HEY2: variants seen among roughly 807,000 people sequenced by gnomAD.
HEY2 encodes hes related family bHLH transcription factor with YRPW motif 2.
In HEY2, 10 loss-of-function variants were observed where a neutral mutation model predicts 18.1. That is an observed-to-expected ratio of 0.55 (90% CI 0.34 to 0.94). The LOEUF (loss-of-function observed/expected upper bound fraction) is 0.94, where lower values mean the gene tolerates loss of function less well. Ranked by LOEUF, HEY2 falls within the 40% of genes least tolerant of loss-of-function variation. HEY2 has a pLI of 0.02. For synonymous variants in HEY2, 210 were observed against 182.7 expected (o/e 1.15, Z -1.21); for missense variants, 455 against 455.9 (o/e 1.00, Z 0.02).
chr6:125,754,671 C>T, intron 4 of HEY2, 125 bp downstream of exon 4: 2 of 469,204 alleles, frequency 4.3e-6, no homozygotes, highest in East Asian at 3.3e-5. Flanking sequence ...GATAGGAGGC[C>T]CCAGATTAAA....
chr6:125,751,913 A>G (rs767207956), intron 2 of HEY2, 34 bp downstream of exon 2: 1 of 1,585,868 alleles, frequency 6.3e-7, no homozygotes, highest in Admixed American at 1.7e-5. Context: ...ATTTCATGTA[A>G]CTTATACTAT....
Position 125,759,534 on chromosome 6 carries a change from G to T in HEY2, c.746G>T (p.Cys249Phe). The T allele has an allele frequency of 6.2e-7, 1 of 1,611,046 alleles. No homozygotes were observed. ...CCATCCACGGGCAGCGTCGCCCCCT[G>T]CGTGCCACCTCTCTCCACCTCTCTC... ...RMPSTGSVAP[C>F]VPPLSTSLLS... The change falls in exon 5 of 5, where the codon TGC (cysteine) becomes TTC (phenylalanine). Residue 249 changes from cysteine to phenylalanine, a missense_variant. Transcript: ENST00000368364.
chr6:125,752,868 T>C (rs1394456270), intron 3 of HEY2, among the ~76,000 whole-genome samples: 1 of 152,248 alleles, frequency 6.6e-6, no homozygotes. Context: ...GAAAATACTT[T>C]CAGTTTAATT....
At chr6:125,752,818 T>C (rs964697916) in intron 3 of HEY2, among the ~76,000 whole-genome samples, 1 of 152,244 alleles carries the variant, frequency 6.6e-6, no homozygotes, top group Admixed American at 6.5e-5. Context: ...CACAGATTTC[T>C]AAGAGTATCT....
chr6:125,751,966 T>C lies in HEY2; in HGVS notation c.163-41T>C, dbSNP rs745502281. 56 of 1,592,798 alleles carry C rather than the reference T, an allele frequency of 3.5e-5. No homozygotes were observed. In the South Asian group the frequency reaches 5.5e-4, roughly 16 times the overall value. ...TTTTCATTTGAGTAATTTTATCATT[T>C]GTGAATTCATAAACTTTTGTTGTTT... On this transcript the variant is annotated intron_variant, in intron 2 of 4. Coordinates refer to ENST00000368364, the MANE Select transcript of HEY2 (RefSeq NM_012259.3).
At chr6:125,758,108 C>T (rs887088602) in intron 4 of HEY2, among the ~76,000 whole-genome samples, 1 of 152,096 alleles carries the variant, frequency 6.6e-6, no homozygotes, top group African/African-American at 2.4e-5. Context: ...CCAGACGTCA[C>T]TCATTCAAAG....
chr6:125,750,195 G>T, intron 1 of HEY2: 1 of 963,626 alleles, frequency 1.0e-6, no homozygotes, highest in Non-Finnish European at 1.2e-6. Flanking sequence ...CACTGAAACC[G>T]TATTTGGGGG....
At chr6:125,755,432 T>C (rs1377306000) in intron 4 of HEY2, among the ~76,000 whole-genome samples, 1 of 152,182 alleles carries the variant, frequency 6.6e-6, no homozygotes, top group Non-Finnish European at 1.5e-5. Flanking sequence ...AACAACTGAA[T>C]AAGGAGAAGG....
intron 4 of HEY2, among the ~76,000 whole-genome samples, chr6:125,756,699 G>C (rs1415487428): frequency 6.6e-6 from 1 of 152,224 alleles, no homozygotes; most frequent in Non-Finnish European, 1.5e-5. Flanking sequence ...TTCAAATCCT[G>C]GTTCTGCCAC....
intron 4 of HEY2, among the ~76,000 whole-genome samples, chr6:125,755,984 GA>G (rs1235107420): frequency 6.6e-6 from 1 of 152,188 alleles, no homozygotes. Flanking sequence ...CATGCTACAA[GA>G]AAATTTGTTT....
rs998526551 is a variant in HEY2 at position 125,760,689 on chromosome 6, A to C, written c.*887A>C. 2 of 152,252 alleles carry C rather than the reference A, an allele frequency of 1.3e-5. No individual in the cohort carries two copies. The highest frequency in any genetic ancestry group is 6.5e-5 in the Admixed American group (1 of 15,290). The allele number at this position is 152,252 out of a possible 1,614,324, so 9.4% of individuals were successfully genotyped here. On this transcript the variant is annotated 3_prime_UTR_variant, in exon 5 of 5. Coordinates refer to ENST00000368364, the MANE Select transcript of HEY2 (RefSeq NM_012259.3). ...ACTTGAAAACTCTCCAGTTTGTAGG[A>C]GTTTGGTTTAATTTATTCAGTTTCA...
intron 4 of HEY2, 37 bp downstream of exon 4, chr6:125,754,583 T>C (rs1773617607): frequency 2.6e-6 from 3 of 1,136,834 alleles, no homozygotes; most frequent in Non-Finnish European, 2.6e-6. Context: ...TTTTTTGCCT[T>C]TTTTACCTTT....
intron 1 of HEY2, 32 bp from the exon 2 acceptor site, chr6:125,751,769 G>A: frequency 7.0e-7 from 1 of 1,427,606 alleles, no homozygotes; most frequent in Non-Finnish European, 9.8e-7. Context: ...TTATGTTAAT[G>A]CAGCACCTGA....
chr6:125,755,335 G>C (rs1773633486), intron 4 of HEY2, among the ~76,000 whole-genome samples: 1 of 152,154 alleles, frequency 6.6e-6, no homozygotes. Flanking sequence ...TCACAACTCA[G>C]ACTTGATTTT....
In HEY2 at chr6:125,749,682, A is replaced by G. The variant is rs1204195464; in HGVS notation, c.-95A>G. 1.2e-6 allele frequency: 1 copy of G among 832,270 alleles called. No homozygotes were observed. The highest frequency in any genetic ancestry group is 1.8e-6 in the Non-Finnish European group (1 of 560,788). The allele number at this position is 832,270 out of a possible 1,614,324, so 51.6% of individuals were successfully genotyped here. A position where few individuals can be genotyped will look rare whatever the true frequency, so the allele number is the denominator to read the frequency against. On this transcript the variant is annotated 5_prime_UTR_variant, in exon 1 of 5. Transcript: ENST00000368364. ...GCCGCCGCCGGAGCCGCGCCTGCCC[A>G]GGCCCGGGGAGGGAGGAGGCGGGCG... is the stretch of plus-strand genomic sequence containing the variant.
rs760509987 is a variant in HEY2 at position 125,759,682 on chromosome 6, C to T, written c.894C>T (p.Ala298=). ...MLPPNAAAAV[A]AATAISPPLS... ...CCCCAAACGCAGCAGCAGCAGTGGCCGCGGCCACAGCCATCAGCCCGCCCT... is the reference window on the plus strand; with the variant it reads ...CCCCAAACGCAGCAGCAGCAGTGGCTGCGGCCACAGCCATCAGCCCGCCCT... Residue 298 remains alanine, a synonymous_variant, in exon 5 of 5, where the codon GCC becomes GCT. Coordinates refer to ENST00000368364, the MANE Select transcript of HEY2 (RefSeq NM_012259.3). 1.9e-6 allele frequency: 3 copies of T among 1,612,452 alleles called. No homozygotes were observed. Among genetic ancestry groups the T allele is most frequent in the South Asian group, 1.1e-5 (1 of 91,084 alleles).
At chr6:125,751,617 T>G (rs916179601) in intron 1 of HEY2, among the ~76,000 whole-genome samples, 184 bp from the exon 2 acceptor site, 10 of 152,156 alleles carry the variant, frequency 6.6e-5, no homozygotes, top group Non-Finnish European at 1.2e-4. Context: ...AGGCGTAATT[T>G]TTACCTGAAA....
At chr6:125,753,948 C>T (rs74858146) in intron 3 of HEY2, among the ~76,000 whole-genome samples, 8,686 of 152,132 alleles carry the variant, frequency 0.057, 302 homozygotes, top group Middle Eastern at 0.095. Flanking sequence ...AGTGTGAATA[C>T]CTTATTTCAG....
intron 3 of HEY2, among the ~76,000 whole-genome samples, chr6:125,752,435 A>AAAAC (rs1554254899): frequency 1.3e-5 from 2 of 151,634 alleles, no homozygotes; most frequent in African/African-American, 4.8e-5. Context: ...TTCAAAAAAA[A>AAAAC]AAAAAAAACC....
Sources: allele counts gnomAD v4.1 joint callset (sites outside exome capture counted in the v4.1 genomes callset), GRCh38; gene constraint gnomAD v4.1.1; transcripts MANE v1.5; gene names NCBI Gene and HGNC (gene_info 2026-07-23, HGNC 2026-07-21).